The following BMAL1 variants were observed in gnomAD, a reference collection of about 807,000 sequenced individuals.
BMAL1 encodes the protein basic helix-loop-helix ARNT-like protein 1.
the BMAL1 span, chr11:13,366,605 T>C: frequency 7.0e-7 from 1 of 1,423,806 alleles, no homozygotes; most frequent in Middle Eastern, 1.8e-4. Flanking sequence ...TGCTTACTTG[T>C]TGCATAATTG....
the BMAL1 span, among the ~76,000 whole-genome samples, chr11:13,302,543 T>C: frequency 6.6e-6 from 1 of 152,224 alleles, no homozygotes; most frequent in African/African-American, 2.4e-5. Context: ...TGCTGTGCAA[T>C]CGCTATTTTC....
the BMAL1 span, among the ~76,000 whole-genome samples, chr11:13,316,745 T>C: frequency 6.6e-6 from 1 of 152,176 alleles, no homozygotes; most frequent in South Asian, 2.1e-4. Flanking sequence ...AATTTTAAAA[T>C]GGCTTCTGAC....
the BMAL1 span, among the ~76,000 whole-genome samples, chr11:13,313,445 A>G: frequency 2.0e-5 from 3 of 152,130 alleles, no homozygotes; most frequent in Admixed American, 2.0e-4. Flanking sequence ...GGGCACCTCA[A>G]CCTGTCTGTC....
chr11:13,285,592 G>A, the BMAL1 span, among the ~76,000 whole-genome samples: 1 of 152,186 alleles, frequency 6.6e-6, no homozygotes, highest in East Asian at 1.9e-4. Context: ...CAGGAAGAGA[G>A]AACAGCACAT....
chr11:13,367,085 GTATGCTCCTGAGTTTA>G, the BMAL1 span, among the ~76,000 whole-genome samples: 3 of 152,012 alleles, frequency 2.0e-5, no homozygotes, highest in Non-Finnish European at 4.4e-5. Context: ...AATCCCAGTT[GTATGCTCCTGAGTTTA>G]AAGGGCTAAG....
At chr11:13,369,907 T>C in the BMAL1 span, 3 of 1,090,312 alleles carry the variant, frequency 2.8e-6, no homozygotes, top group Admixed American at 2.8e-5. Flanking sequence ...GACCCTGCAG[T>C]CCTCCCTATG....
the BMAL1 span, among the ~76,000 whole-genome samples, chr11:13,358,957 G>C: frequency 6.6e-6 from 1 of 152,192 alleles, no homozygotes; most frequent in Non-Finnish European, 1.5e-5. Flanking sequence ...AGAAATGTAG[G>C]TGCACACAGT....
chr11:13,336,424 AGACT>A, the BMAL1 span, among the ~76,000 whole-genome samples: 1 of 152,178 alleles, frequency 6.6e-6, no homozygotes, highest in East Asian at 1.9e-4. Flanking sequence ...GGCCTGAGTC[AGACT>A]GACTCTGGGA....
chr11:13,282,140 C>T, the BMAL1 span, among the ~76,000 whole-genome samples: 1 of 152,164 alleles, frequency 6.6e-6, no homozygotes, highest in Non-Finnish European at 1.5e-5. Flanking sequence ...CCTTCATTCC[C>T]CAGGCTGTCC....
chr11:13,340,978 G>A, the BMAL1 span, among the ~76,000 whole-genome samples: 1 of 152,170 alleles, frequency 6.6e-6, no homozygotes, highest in East Asian at 1.9e-4. Flanking sequence ...ACTTGCCTAG[G>A]ACATGCAGCT....
chr11:13,295,056 G>A, the BMAL1 span, among the ~76,000 whole-genome samples: 2 of 152,230 alleles, frequency 1.3e-5, 1 homozygote, highest in South Asian at 4.1e-4. Context: ...AGGGCTAGGG[G>A]TGCTGAGCTG....
the BMAL1 span, among the ~76,000 whole-genome samples, chr11:13,364,335 T>A: frequency 4.6e-5 from 7 of 152,184 alleles, no homozygotes; most frequent in South Asian, 2.1e-4. Flanking sequence ...GTGATTCTGT[T>A]CCCCTCTCAC....
At chr11:13,336,606 G>T in the BMAL1 span, among the ~76,000 whole-genome samples, 1 of 152,196 alleles carries the variant, frequency 6.6e-6, no homozygotes, top group East Asian at 1.9e-4. Flanking sequence ...GACCACGAGG[G>T]TCTGACATCC....
the BMAL1 span, chr11:13,355,153 G>T: frequency 7.2e-7 from 1 of 1,384,944 alleles, no homozygotes; most frequent in Non-Finnish European, 1.0e-6. Flanking sequence ...CATTTAAGAG[G>T]TTTTCTTTTG....
the BMAL1 span, among the ~76,000 whole-genome samples, chr11:13,348,598 G>A: frequency 2.4e-3 from 370 of 152,264 alleles, 2 homozygotes; most frequent in African/African-American, 8.3e-3. Flanking sequence ...GGAGGATAGC[G>A]TGTGACCTAA....
At chr11:13,310,385 A>G in the BMAL1 span, among the ~76,000 whole-genome samples, 1 of 152,078 alleles carries the variant, frequency 6.6e-6, no homozygotes, top group East Asian at 1.9e-4. Flanking sequence ...GTGAAAGAAG[A>G]TTTTCGGGAC....
chr11:13,283,302 G>A, the BMAL1 span, among the ~76,000 whole-genome samples: 1 of 152,154 alleles, frequency 6.6e-6, no homozygotes, highest in East Asian at 1.9e-4. Context: ...TCTGACCTGG[G>A]CAAGTTAATT....
At chr11:13,314,006 G>T in the BMAL1 span, among the ~76,000 whole-genome samples, 265 of 151,776 alleles carry the variant, frequency 1.7e-3, no homozygotes, top group Non-Finnish European at 3.3e-3. Context: ...CCTCTCCTGG[G>T]AATGGCGTGG....
At chr11:13,313,509 C>A in the BMAL1 span, among the ~76,000 whole-genome samples, 2 of 152,136 alleles carry the variant, frequency 1.3e-5, no homozygotes, top group Non-Finnish European at 2.9e-5. Context: ...TTGGTCCACG[C>A]CCCTCAGTTG....
Sources: allele counts gnomAD v4.1 joint callset (sites outside exome capture counted in the v4.1 genomes callset), GRCh38; gene constraint gnomAD v4.1.1; transcripts MANE v1.5; gene names NCBI Gene and HGNC (gene_info 2026-07-23, HGNC 2026-07-21).